Variants in FSTL4 observed in about 807,000 individuals in gnomAD.
The protein encoded by FSTL4 is follistatin-related protein 4.
A neutral mutation model predicts 78.2 loss-of-function variants in FSTL4; 28 were observed. The observed-to-expected ratio is 0.36, with a 90% CI of 0.27 to 0.49. The LOEUF (loss-of-function observed/expected upper bound fraction) is 0.49. Among genes scored for constraint, FSTL4 ranks in the 20% least tolerant of loss-of-function variants. The pLI is 0.98. For synonymous variants in FSTL4, 422 were observed against 440.5 expected, an observed-to-expected ratio of 0.96 and a Z score of 0.53; for missense variants, 922 against 1,084.9, an observed-to-expected ratio of 0.85 and a Z score of 2.11.
At chr5:133,242,124 A>G (rs1360910246) in intron 7 of FSTL4, among the ~76,000 whole-genome samples, 1 of 152,210 alleles carries the variant, frequency 6.6e-6, no homozygotes, top group Non-Finnish European at 1.5e-5. Context: ...ACACATGTGC[A>G]AAGAGGTGGG....
intron 6 of FSTL4, among the ~76,000 whole-genome samples, chr5:133,254,584 C>T (rs1038232222): frequency 1.3e-5 from 2 of 152,234 alleles, no homozygotes; most frequent in African/African-American, 4.8e-5. Flanking sequence ...CCCCTCCCTT[C>T]CCCCTATCTG....
chr5:133,748,640 C>G, the FSTL4 span, among the ~76,000 whole-genome samples: 27 of 152,290 alleles, frequency 1.8e-4, no homozygotes, highest in African/African-American at 6.5e-4. Flanking sequence ...CAACCCCTCC[C>G]CACAACCTGC....
intron 2 of FSTL4, among the ~76,000 whole-genome samples, chr5:133,597,637 A>G (rs1300631403): frequency 6.6e-6 from 1 of 152,202 alleles, no homozygotes; most frequent in Non-Finnish European, 1.5e-5. Context: ...TCAAAATACC[A>G]AAGAGGCACA....
chr5:133,681,244 A>G, the FSTL4 span, among the ~76,000 whole-genome samples: 1 of 152,002 alleles, frequency 6.6e-6, no homozygotes, highest in South Asian at 2.1e-4. Flanking sequence ...GCGGTCATTC[A>G]CTCCCTTCTT....
the FSTL4 span, among the ~76,000 whole-genome samples, chr5:133,692,784 C>T: frequency 1.3e-5 from 2 of 152,184 alleles, no homozygotes; most frequent in African/African-American, 4.8e-5. Flanking sequence ...CCAACCTCCC[C>T]ATCCTGCTTA....
rs1751565365 is a variant in FSTL4 at position 133,233,571 on chromosome 5, TC to T, written c.895-35del. On this transcript the variant is annotated intron_variant, in intron 7 of 15. Transcript: ENST00000265342. ...GGCAAAGATGACGATGAGACTGGCC[TC>T]TTTATTGAACGGGCTGGAAACCATA... 3 of 382,794 alleles carry T rather than the reference TC, an allele frequency of 7.8e-6. No individual in the cohort carries two copies. The African/African-American group carries it at 1.9e-4, about 24-fold the overall frequency. 23.7% of individuals were successfully genotyped at this position (382,794 alleles called of 1,614,324 possible).
chr5:133,207,815 T>A (rs892390189), intron 14 of FSTL4: 9 of 152,162 alleles, frequency 5.9e-5, no homozygotes, highest in Non-Finnish European at 1.0e-4. Context: ...CTGGCTAATT[T>A]TTTTATTTTA....
chr5:133,625,803 C>CAT, the FSTL4 span, among the ~76,000 whole-genome samples: 9 of 8,790 alleles, frequency 1.0e-3, 4 homozygotes, highest in Admixed American at 2.4e-3. Context: ...ATATATATTC[C>CAT]ATATATATAT....
chr5:133,340,363 C>T (rs1388895837), intron 4 of FSTL4, among the ~76,000 whole-genome samples: 1 of 152,116 alleles, frequency 6.6e-6, no homozygotes, highest in Non-Finnish European at 1.5e-5. Flanking sequence ...GGGTCAATCT[C>T]TCTCCAGAGG....
chr5:133,550,777 T>C (rs1478282971), intron 3 of FSTL4, among the ~76,000 whole-genome samples: 1 of 152,136 alleles, frequency 6.6e-6, no homozygotes, highest in Non-Finnish European at 1.5e-5. Context: ...AGGAGACAAC[T>C]CTCAACTCAA....
At chr5:133,643,350 C>CA in the FSTL4 span, among the ~76,000 whole-genome samples, 2 of 152,140 alleles carry the variant, frequency 1.3e-5, no homozygotes, top group African/African-American at 4.8e-5. Context: ...TTATAATCAT[C>CA]AAAAACCCTA....
chr5:133,836,811 G>C, the FSTL4 span, among the ~76,000 whole-genome samples: 1 of 152,160 alleles, frequency 6.6e-6, no homozygotes, highest in Non-Finnish European at 1.5e-5. Context: ...TTGGAAGTCA[G>C]TGTCACGCTC....
rs66468612 is a variant in FSTL4 at position 133,501,269 on chromosome 5, GAAA to G, written c.160+65914_160+65916del. 8.8e-3 allele frequency among the ~76,000 whole-genome samples: 1,314 copies of G among 149,478 alleles called. 23 individuals carry two copies. Among genetic ancestry groups the G allele is most frequent in the African/African-American group, 0.03 (1,235 of 40,822 alleles). On this transcript the variant is annotated intron_variant, in intron 3 of 15. Coordinates refer to ENST00000265342, the MANE Select transcript of FSTL4 (RefSeq NM_015082.2). ...TTTGTTATATGCCTTACAATTTTAA[GAAA>G]AAAAAAAAATAAAAAGCAAAAGCAA... is the stretch of plus-strand genomic sequence containing the variant.
chr5:133,454,191 C>T (rs1038108415), intron 3 of FSTL4, among the ~76,000 whole-genome samples: 5 of 152,048 alleles, frequency 3.3e-5, no homozygotes, highest in African/African-American at 1.2e-4. Context: ...ACAACAACAA[C>T]TAGGACATAA....
chr5:133,814,936 T>A, the FSTL4 span, among the ~76,000 whole-genome samples: 1 of 152,242 alleles, frequency 6.6e-6, no homozygotes, highest in Non-Finnish European at 1.5e-5. Context: ...CACACATGCA[T>A]GTGAGCTACA....
intron 3 of FSTL4, among the ~76,000 whole-genome samples, chr5:133,563,685 G>A (rs12651863): frequency 6.6e-6 from 1 of 152,198 alleles, no homozygotes; most frequent in African/African-American, 2.4e-5. Context: ...CTAGGGCAGG[G>A]TTTGCAAAAG....
chr5:133,727,088 T>A, the FSTL4 span, among the ~76,000 whole-genome samples: 1 of 151,976 alleles, frequency 6.6e-6, no homozygotes, highest in Non-Finnish European at 1.5e-5. Context: ...ACAAACCACA[T>A]CCCACATCCA....
chr5:133,610,255 C>G (rs1761063222), intron 1 of FSTL4, among the ~76,000 whole-genome samples: 1 of 152,216 alleles, frequency 6.6e-6, no homozygotes, highest in African/African-American at 2.4e-5. Flanking sequence ...CCCAGAAAAA[C>G]AAGCTGGCCT....
the FSTL4 span, among the ~76,000 whole-genome samples, chr5:133,663,936 G>C: frequency 6.6e-6 from 1 of 152,216 alleles, no homozygotes; most frequent in African/African-American, 2.4e-5. Flanking sequence ...GCCAGTGTGG[G>C]GAGCCCTGTG....
Sources: allele counts gnomAD v4.1 joint callset (sites outside exome capture counted in the v4.1 genomes callset), GRCh38; gene constraint gnomAD v4.1.1; transcripts MANE v1.5; gene names NCBI Gene and HGNC (gene_info 2026-07-23, HGNC 2026-07-21).